The following DPP6 variants were observed in gnomAD, a reference collection of about 807,000 sequenced individuals.
DPP6 encodes dipeptidyl peptidase like 6.
In DPP6, 69 loss-of-function variants were observed where a neutral mutation model predicts 122.6. The observed-to-expected ratio is 0.56, with a 90% CI of 0.46 to 0.69. DPP6 has a LOEUF of 0.69. Among genes scored for constraint, DPP6 ranks in the 30% least tolerant of loss-of-function variants. The pLI is 0.00. For synonymous variants in DPP6, 418 were observed against 433.1 expected (o/e 0.97, Z 0.43); for missense variants, 928 against 1,116.9 (o/e 0.83, Z 2.41).
intron 5 of DPP6, among the ~76,000 whole-genome samples, chr7:154,615,864 C>G (rs938620973): frequency 2.0e-5 from 3 of 152,214 alleles, no homozygotes; most frequent in African/African-American, 7.2e-5. Context: ...AACAGAAACC[C>G]TGTCCTCATT....
chr7:154,688,223 A>G (rs1304170792), intron 7 of DPP6, among the ~76,000 whole-genome samples: 1 of 152,210 alleles, frequency 6.6e-6, no homozygotes, highest in East Asian at 1.9e-4. Flanking sequence ...CTCTAAAAAC[A>G]CTATTGGGAG....
At chr7:153,827,675 G>A in the DPP6 span, among the ~76,000 whole-genome samples, 1 of 152,032 alleles carries the variant, frequency 6.6e-6, no homozygotes, top group Non-Finnish European at 1.5e-5. Context: ...GACCACATAG[G>A]ACACCAGAGT....
intron 1 of DPP6, among the ~76,000 whole-genome samples, chr7:154,269,398 G>C (rs1422412355): frequency 6.6e-6 from 1 of 152,160 alleles, no homozygotes; most frequent in Non-Finnish European, 1.5e-5. Context: ...TGATAGCCTA[G>C]TGCGATGTCA....
the DPP6 span, among the ~76,000 whole-genome samples, chr7:153,802,516 C>A: frequency 6.6e-6 from 1 of 152,032 alleles, no homozygotes; most frequent in African/African-American, 2.4e-5. Context: ...TGGCTGATTT[C>A]TGAAATGAGC....
chr7:154,192,365 A>G (rs975141662), intron 1 of DPP6, among the ~76,000 whole-genome samples: 1 of 152,236 alleles, frequency 6.6e-6, no homozygotes, highest in African/African-American at 2.4e-5. Flanking sequence ...CCCTACTACA[A>G]TTAGCTAACA....
At position 154,033,149 on chromosome 7, in the gene DPP6, A is replaced by G. The variant is rs1379701409; in HGVS notation, c.51+145415A>G. ...AGCATTTATTTGCCCAGTACCCCAC[A>G]AGTGATAGAATCTGAGTCCAGAGGT... On this transcript the variant is annotated intron_variant, in intron 1 of 25. Coordinates refer to the DPP6 transcript ENST00000404039. Among the ~76,000 whole-genome samples the G allele has an allele frequency of 4.6e-5, 7 of 152,150 alleles. No individual in the cohort carries two copies. The East Asian group carries it at 1.3e-3, about 29-fold the overall frequency.
intron 15 of DPP6, 27 bp downstream of exon 15, chr7:154,804,991 G>A: frequency 6.3e-7 from 1 of 1,584,774 alleles, no homozygotes; most frequent in Admixed American, 1.8e-5. Flanking sequence ...CTGCACACAG[G>A]GCTCTCCCCC....
intron 1 of DPP6, among the ~76,000 whole-genome samples, chr7:154,073,412 T>G (rs1449962121): frequency 6.6e-6 from 1 of 152,242 alleles, no homozygotes; most frequent in Non-Finnish European, 1.5e-5. Flanking sequence ...TCTCCTTTGC[T>G]CCTCTCCGTG....
intron 1 of DPP6, among the ~76,000 whole-genome samples, chr7:154,435,344 A>G (rs571112352): frequency 6.6e-6 from 1 of 152,148 alleles, no homozygotes; most frequent in African/African-American, 2.4e-5. Flanking sequence ...AGTTGCTGCC[A>G]CACGCTGCAC....
chr7:153,980,618 A>G (rs1449347482), intron 1 of DPP6, among the ~76,000 whole-genome samples: 2 of 151,950 alleles, frequency 1.3e-5, no homozygotes, highest in African/African-American at 2.4e-5. Context: ...TTGCTTTTCT[A>G]GTTCTTTTGA....
intron 7 of DPP6, among the ~76,000 whole-genome samples, chr7:154,708,770 A>C (rs1840978195): frequency 6.6e-6 from 1 of 152,234 alleles, no homozygotes; most frequent in African/African-American, 2.4e-5. Context: ...AAAAGCATCC[A>C]GGTGTGGTGG....
chr7:154,229,478 T>A (rs1800791590), intron 1 of DPP6, among the ~76,000 whole-genome samples: 1 of 152,190 alleles, frequency 6.6e-6, no homozygotes, highest in South Asian at 2.1e-4. Context: ...GCTATAGTGT[T>A]GGCTTTTGTT....
At chr7:154,432,509 A>G (rs1818507724) in intron 1 of DPP6, among the ~76,000 whole-genome samples, 1 of 152,174 alleles carries the variant, frequency 6.6e-6, no homozygotes, top group Admixed American at 6.5e-5. Flanking sequence ...TCTCTTAACA[A>G]TGATCTAGGG....
chr7:154,875,054 T>C lies in DPP6; in HGVS notation c.1884-852T>C, dbSNP rs760035799. The stretch of plus-strand genomic sequence containing the variant: ...GGTCAAGCCTGCAGTGAACCAAGAT[T>C]GTGCCACTGCACTCCAGCCTGGCCG... On this transcript the variant is annotated intron_variant, in intron 19 of 25. Coordinates refer to ENST00000377770, the MANE Select transcript of DPP6 (RefSeq NM_130797.4). This position sits in a 1 kb window ranked among gnomAD's most constrained non-coding sequence, Gnocchi z 4.5. Among the ~76,000 whole-genome samples, 25 of 151,384 alleles carry C rather than the reference T, an allele frequency of 1.7e-4. No homozygotes were observed. Among genetic ancestry groups the C allele is most frequent in the Non-Finnish European group, 3.5e-4 (24 of 67,908 alleles).
chr7:154,790,284 A>T (rs1797590617), intron 10 of DPP6, among the ~76,000 whole-genome samples: 1 of 152,204 alleles, frequency 6.6e-6, no homozygotes, highest in South Asian at 2.1e-4. Context: ...TAGAGATGAG[A>T]TGTTGCTATG....
intron 1 of DPP6, among the ~76,000 whole-genome samples, chr7:154,231,274 C>T (rs151303984): frequency 6.6e-6 from 1 of 152,224 alleles, no homozygotes; most frequent in East Asian, 1.9e-4. Flanking sequence ...TTGTCTGTGC[C>T]TTTCCTTGTG....
chr7:154,280,771 A>G (rs866663121), intron 1 of DPP6, among the ~76,000 whole-genome samples: 1 of 152,102 alleles, frequency 6.6e-6, no homozygotes, highest in African/African-American at 2.4e-5. Context: ...GTAAGAATCA[A>G]CCTTAATAGA....
intron 10 of DPP6, among the ~76,000 whole-genome samples, chr7:154,782,902 G>GC (rs1446774923): frequency 6.6e-6 from 1 of 152,070 alleles, no homozygotes; most frequent in Non-Finnish European, 1.5e-5. Flanking sequence ...TCCTGCCTCA[G>GC]CCCCCTGAAT....
the DPP6 span, among the ~76,000 whole-genome samples, chr7:153,876,204 T>C: frequency 6.6e-6 from 1 of 151,954 alleles, no homozygotes; most frequent in African/African-American, 2.4e-5. Flanking sequence ...ATCTTAGATT[T>C]TACCATACCT....
Sources: gnomAD v4.1 joint callset for allele counts (sites outside exome capture counted in the v4.1 genomes callset) on GRCh38, gnomAD v4.1.1 for gene constraint, Gnocchi (gnomAD v3.1) non-coding constraint, MANE v1.5 for transcripts, NCBI Gene and HGNC (gene_info 2026-07-23, HGNC 2026-07-21) for gene names.